The following DPF3 variants were observed in gnomAD, a reference collection of about 807,000 sequenced individuals.
DPF3 encodes double PHD fingers 3, also known as zinc finger protein DPF3.
Under a neutral mutation model 56.8 loss-of-function variants are expected in DPF3, and 18 were observed. That is an observed-to-expected ratio of 0.32 (90% confidence interval 0.22 to 0.47). DPF3 has a LOEUF of 0.47. Ranked by LOEUF, DPF3 falls within the 20% of genes least tolerant of loss-of-function variation. DPF3 has a pLI of 1.00. For synonymous variants in DPF3, 188 were observed against 180.2 expected, an observed-to-expected ratio of 1.04 and a Z score of -0.35; for missense variants, 403 against 488.8, an observed-to-expected ratio of 0.82 and a Z score of 1.65.
intron 2 of DPF3, among the ~76,000 whole-genome samples, chr14:72,756,928 A>AAGAAAGAAGAGAAG (rs1428028523): frequency 2.4e-4 from 33 of 139,170 alleles, no homozygotes; most frequent in African/African-American, 8.7e-4. Context: ...GAAAGAAAGA[A>AAGAAAGAAGAGAAG]AGAAGAGAAG....
In DPF3 at chr14:72,702,578, G is replaced by A. The variant is rs1037558427; in HGVS notation, c.605-9365C>T. ...TATTCACACCCTACCAGACCGGCTC[G>A]TAGAAGTTTGGGGCCACCAACACCT... On this transcript the variant is annotated intron_variant, in intron 6 of 10. Transcript: ENST00000556509. Among the ~76,000 whole-genome samples, 66 of 152,120 alleles carry A rather than the reference G, an allele frequency of 4.3e-4. 3 individuals carry two copies. The highest frequency in any genetic ancestry group is 1.5e-4 in the Non-Finnish European group (10 of 68,000).
chr14:72,642,350 C>T (rs1362718400), intron 8 of DPF3, among the ~76,000 whole-genome samples: 1 of 152,238 alleles, frequency 6.6e-6, no homozygotes, highest in Non-Finnish European at 1.5e-5. Flanking sequence ...GAACACCAGA[C>T]ATTTGACAGA....
intron 1 of DPF3, among the ~76,000 whole-genome samples, chr14:72,832,477 T>TA (rs772680081): frequency 7.3e-4 from 111 of 152,250 alleles, no homozygotes; most frequent in Non-Finnish European, 6.8e-4. Flanking sequence ...ACAGCAATCT[T>TA]AGAATCCAAA....
chr14:72,884,971 T>TATATATATATATACATATATATATATA (rs10523148), intron 1 of DPF3, among the ~76,000 whole-genome samples: 1 of 111,686 alleles, frequency 9.0e-6, no homozygotes, highest in Admixed American at 9.8e-5. Context: ...TATATATATA[T>TATATATATATATACATATATATATATA]TAGCCGGGCG....
intron 1 of DPF3, chr14:72,892,550 G>A: frequency 7.2e-7 from 1 of 1,382,762 alleles, no homozygotes; most frequent in Non-Finnish European, 9.3e-7. Flanking sequence ...AAACACGTCC[G>A]ATTCTCCCTG....
intron 4 of DPF3, 152 bp downstream of exon 4, chr14:72,731,655 T>A (rs535580373): frequency 1.9e-6 from 2 of 1,052,870 alleles, no homozygotes; most frequent in African/African-American, 3.2e-5. Flanking sequence ...AGAAAAGAAT[T>A]TGGGAGCTTC....
At chr14:72,810,349 C>A (rs1310914282) in intron 1 of DPF3, among the ~76,000 whole-genome samples, 1 of 152,158 alleles carries the variant, frequency 6.6e-6, no homozygotes, top group African/African-American at 2.4e-5. Flanking sequence ...CTGCAAGGGC[C>A]TGCGGTCCAG....
chr14:72,706,264 C>G (rs756339277), intron 6 of DPF3, among the ~76,000 whole-genome samples: 1 of 152,206 alleles, frequency 6.6e-6, no homozygotes, highest in Non-Finnish European at 1.5e-5. Context: ...CCCTAAGGGC[C>G]TTCTTGGCAT....
chr14:72,781,930 C>T (rs1235523198), intron 1 of DPF3, among the ~76,000 whole-genome samples: 1 of 152,158 alleles, frequency 6.6e-6, no homozygotes, highest in African/African-American at 2.4e-5. Flanking sequence ...GCATCCGTCA[C>T]AGAAATTTCA....
intron 8 of DPF3, chr14:72,670,360 A>G (rs1886615640): frequency 2.0e-6 from 2 of 986,256 alleles, no homozygotes; most frequent in Non-Finnish European, 2.4e-6. Context: ...AGCTCTACTG[A>G]CGGAGGAGGA....
chr14:72,756,950 G>A lies in DPF3; in HGVS notation c.194-3579C>T, dbSNP rs1466879756. On this transcript the variant is annotated intron_variant, in intron 2 of 10. Transcript: ENST00000556509. Reference sequence around the variant, plus strand: ...AGAAAGAAGAGAAGAGAAGAGAAAGGGAGAGGGAAAGAGGGGGAGAGAGGG... The same window carrying A: ...AGAAAGAAGAGAAGAGAAGAGAAAGAGAGAGGGAAAGAGGGGGAGAGAGGG... 3.8e-4 allele frequency among the ~76,000 whole-genome samples: 50 copies of A among 133,228 alleles called. No homozygotes were observed. The South Asian group carries it at 3.8e-3, about 10-fold the overall frequency. The allele number at this position is 133,228 out of a possible 152,430, so 87.4% of individuals were successfully genotyped here.
rs187463815 is a variant in DPF3, at chr14:72,782,630, C to T, written c.33-10737G>A. Among the ~76,000 whole-genome samples the T allele has an allele frequency of 2.0e-3, 310 of 152,196 alleles. 2 individuals carry two copies. The highest frequency in any genetic ancestry group is 6.8e-3 in the Middle Eastern group (2 of 294). On this transcript the variant is annotated intron_variant, in intron 1 of 10. Coordinates refer to ENST00000556509, the MANE Select transcript of DPF3 (RefSeq NM_001280542.3). ...TGGGTGGGTCACGAGGTCAGGAGTT[C>T]GAGATCAGCCTGGCCAACACAGTGA...
intron 1 of DPF3, among the ~76,000 whole-genome samples, chr14:72,815,374 A>C (rs1285229793): frequency 3.3e-5 from 5 of 152,246 alleles, no homozygotes. Flanking sequence ...CGACTCTTAC[A>C]CACTGCGTGT....
rs972538776 is a variant in DPF3 at position 72,860,740 on chromosome 14, A to G, written c.32+33317T>C. On this transcript the variant is annotated intron_variant, in intron 1 of 10. Coordinates refer to ENST00000556509, the MANE Select transcript of DPF3 (RefSeq NM_001280542.3). ...ACCACCATGCACAGCTAATTTTTGT[A>G]TTTTTATTAGAGATGGGGTTTCACC... is the stretch of plus-strand genomic sequence containing the variant. Among the ~76,000 whole-genome samples, 8 of 151,608 alleles carry G rather than the reference A, an allele frequency of 5.3e-5. 1 individual carries two copies. The highest frequency in any genetic ancestry group is 2.1e-4 in the South Asian group (1 of 4,806).
At chr14:72,798,860 G>T (rs547375211) in intron 1 of DPF3, among the ~76,000 whole-genome samples, 24 of 152,350 alleles carry the variant, frequency 1.6e-4, no homozygotes, top group African/African-American at 5.5e-4. Flanking sequence ...GCAGAACCAG[G>T]TTGGAAGTTC....
chr14:72,719,180 C>T (rs1231919809), intron 5 of DPF3, among the ~76,000 whole-genome samples: 1 of 150,336 alleles, frequency 6.7e-6, no homozygotes, highest in Non-Finnish European at 1.5e-5. Context: ...AGTGATCCTC[C>T]CACCTCAGCC....
chr14:72,812,969 C>G (rs1883124744), intron 1 of DPF3, among the ~76,000 whole-genome samples: 1 of 152,106 alleles, frequency 6.6e-6, no homozygotes, highest in South Asian at 2.1e-4. Context: ...AACTTGCAGG[C>G]AGGGTCCCCT....
intron 8 of DPF3, among the ~76,000 whole-genome samples, chr14:72,636,491 C>G (rs1885386789): frequency 6.6e-6 from 1 of 152,144 alleles, no homozygotes; most frequent in South Asian, 2.1e-4. Context: ...CATTCCCTCC[C>G]CCTCTCTTCA....
Position 72,796,424 on chromosome 14 carries a change from G to A in DPF3, c.33-24531C>T, listed in dbSNP as rs1303037759. Among the ~76,000 whole-genome samples the A allele has an allele frequency of 2.0e-5, 3 of 152,156 alleles. No homozygotes were observed. In the East Asian group the frequency reaches 5.8e-4, roughly 29 times the overall value. On this transcript the variant is annotated intron_variant, in intron 1 of 10. Coordinates refer to ENST00000556509, the MANE Select transcript of DPF3 (RefSeq NM_001280542.3). ...AGGCTGAGGTGGAAGAATCACTTGA[G>A]CCCGGGAGGCGGAGGTTACAATAAG... is the stretch of plus-strand genomic sequence containing the variant.
Sources: allele counts gnomAD v4.1 joint callset (sites outside exome capture counted in the v4.1 genomes callset), GRCh38; gene constraint gnomAD v4.1.1; transcripts MANE v1.5; gene names NCBI Gene and HGNC (gene_info 2026-07-23, HGNC 2026-07-21).